Variants in OR51B5 observed in about 807,000 individuals in gnomAD.
OR51B5 encodes the protein olfactory receptor 51B5.
For missense variants in OR51B5, 456 were observed against 374.6 expected, an observed-to-expected ratio of 1.22 and a Z score of -1.79; for synonymous variants, 186 against 144.8, an observed-to-expected ratio of 1.28 and a Z score of -2.04.
upstream of OR51B5, chr11:5,343,701 T>A: frequency 2.0e-6 from 1 of 511,192 alleles, no homozygotes; most frequent in Non-Finnish European, 3.4e-6. Context: ...TCATACTATT[T>A]GTATTCTTAA....
At chr11:5,477,655 G>C (rs905067062) in intron 1 of OR51B5, among the ~76,000 whole-genome samples, 10 of 152,016 alleles carry the variant, frequency 6.6e-5, no homozygotes, top group African/African-American at 2.2e-4. Context: ...GTGGGTGCGC[G>C]CACCGTGCGC....
intron 1 of OR51B5, among the ~76,000 whole-genome samples, chr11:5,459,137 A>C (rs1242674635): frequency 6.6e-6 from 1 of 152,192 alleles, no homozygotes; most frequent in African/African-American, 2.4e-5. Context: ...TTCAATACCT[A>C]GTTTATTGAG....
intron 1 of OR51B5, among the ~76,000 whole-genome samples, chr11:5,394,594 T>C (rs1261859022): frequency 6.6e-6 from 1 of 152,352 alleles, no homozygotes; most frequent in Non-Finnish European, 1.5e-5. Context: ...AGATGGCTCA[T>C]GTAATTGAAG....
intron 1 of OR51B5, among the ~76,000 whole-genome samples, chr11:5,433,127 A>C (rs1171300111): frequency 6.6e-6 from 1 of 152,206 alleles, no homozygotes; most frequent in African/African-American, 2.4e-5. Context: ...AAACAAACAG[A>C]GTTTAGGAAA....
chr11:5,413,860 C>A (rs912319792), intron 1 of OR51B5, among the ~76,000 whole-genome samples: 286 of 151,556 alleles, frequency 1.9e-3, no homozygotes, highest in African/African-American at 6.3e-3. Flanking sequence ...AAACACTCTG[C>A]AGGATATTAT....
chr11:5,415,233 C>T (rs1286241519), intron 1 of OR51B5, among the ~76,000 whole-genome samples: 2 of 150,756 alleles, frequency 1.3e-5, no homozygotes, highest in Admixed American at 6.6e-5. Flanking sequence ...CCAACGAGAA[C>T]AAAGACACAA....
intron 1 of OR51B5, among the ~76,000 whole-genome samples, chr11:5,435,717 A>G (rs1850583217): frequency 6.6e-6 from 1 of 152,178 alleles, no homozygotes; most frequent in African/African-American, 2.4e-5. Flanking sequence ...TCTGCACCAC[A>G]AAAGTCCTCC....
intron 1 of OR51B5, among the ~76,000 whole-genome samples, chr11:5,463,431 A>G (rs1434062582): frequency 6.6e-6 from 1 of 152,234 alleles, no homozygotes; most frequent in Non-Finnish European, 1.5e-5. Flanking sequence ...AGTACTGGCT[A>G]TCGGACCACC....
At chr11:5,431,888 T>G (rs1850539607) in intron 1 of OR51B5, among the ~76,000 whole-genome samples, 1 of 152,244 alleles carries the variant, frequency 6.6e-6, no homozygotes, top group African/African-American at 2.4e-5. Flanking sequence ...TTTTAAATAC[T>G]TTTTATGGAT....
At chr11:5,444,310 A>G (rs1414886853) in intron 1 of OR51B5, among the ~76,000 whole-genome samples, 1 of 152,206 alleles carries the variant, frequency 6.6e-6, no homozygotes, top group Non-Finnish European at 1.5e-5. Flanking sequence ...AAAGGCAAAC[A>G]TTCAAATCGT....
intron 1 of OR51B5, among the ~76,000 whole-genome samples, chr11:5,399,982 C>T (rs1849943047): frequency 6.6e-6 from 1 of 152,062 alleles, no homozygotes; most frequent in Non-Finnish European, 1.5e-5. Flanking sequence ...GCTGCTCAAT[C>T]CAGAGGCAGA....
intron 1 of OR51B5, among the ~76,000 whole-genome samples, chr11:5,435,227 C>A (rs970463215): frequency 6.6e-6 from 1 of 152,180 alleles, no homozygotes; most frequent in Admixed American, 6.5e-5. Context: ...GAGTTTATCG[C>A]ATCCCTAAAC....
intron 1 of OR51B5, among the ~76,000 whole-genome samples, chr11:5,450,164 A>G (rs1001240423): frequency 8.5e-5 from 13 of 152,076 alleles, no homozygotes; most frequent in South Asian, 6.2e-4. Flanking sequence ...TGAGGTGGTC[A>G]GATCACCTGA....
intron 1 of OR51B5, among the ~76,000 whole-genome samples, chr11:5,439,021 C>G (rs1290993740): frequency 2.6e-5 from 4 of 152,098 alleles, no homozygotes; most frequent in African/African-American, 9.7e-5. Context: ...GACTTGTGTA[C>G]AGTGAAGTTC....
intron 1 of OR51B5, among the ~76,000 whole-genome samples, chr11:5,394,764 A>G (rs1341111107): frequency 6.6e-6 from 1 of 152,172 alleles, no homozygotes; most frequent in East Asian, 1.9e-4. Context: ...TTGCTTCATC[A>G]GGGGACGTTA....
chr11:5,488,687 C>T, intron 1 of OR51B5: 1 of 1,514,164 alleles, frequency 6.6e-7, no homozygotes, highest in East Asian at 2.3e-5. Flanking sequence ...TCAGAAAGAG[C>T]CCTTCATTTG....
rs1195637882 is a variant in OR51B5 at position 5,464,907 on chromosome 11, T to C, written n.84+40662A>G. 2.0e-5 allele frequency among the ~76,000 whole-genome samples: 3 copies of C among 152,232 alleles called. No individual in the cohort carries two copies. In the East Asian group the frequency reaches 5.8e-4, roughly 29 times the overall value. On this transcript the variant is annotated intron_variant and non_coding_transcript_variant, in intron 1 of 4. Transcript: ENST00000415970. ...AACTAGTTTACAGTCCCACCAACAG[T>C]GTAAAAGTGTTCCTATTGGCTGGGC...
chr11:5,447,757 G>A (rs1192129103), intron 1 of OR51B5, among the ~76,000 whole-genome samples: 1 of 146,324 alleles, frequency 6.8e-6, no homozygotes, highest in Non-Finnish European at 1.5e-5. Flanking sequence ...TCTTTCCCCA[G>A]TGGCACTTCT....
intron 1 of OR51B5, chr11:5,351,424 T>A: frequency 9.9e-7 from 1 of 1,010,066 alleles, no homozygotes; most frequent in Non-Finnish European, 1.4e-6. Flanking sequence ...TATGAACAGG[T>A]AGAATTCTCA....
Sources: allele counts gnomAD v4.1 joint callset (sites outside exome capture counted in the v4.1 genomes callset), GRCh38; gene constraint gnomAD v4.1.1; transcripts MANE v1.5; gene names NCBI Gene and HGNC (gene_info 2026-07-23, HGNC 2026-07-21).